Variants in AMZ1 observed in about 807,000 individuals in gnomAD.
AMZ1 encodes archaelysin family metallopeptidase 1.
AMZ1 carries 39 observed loss-of-function variants against 29.9 expected under a neutral mutation model. The ratio of observed to expected loss-of-function variants is 1.30; its 90% CI spans 1.01 to 1.70. AMZ1 has a LOEUF of 1.70. Ranked by LOEUF, AMZ1 falls within the 40% of genes most tolerant of loss-of-function variation. The probability of loss-of-function intolerance (pLI) is 0.00; values close to 1 mark genes in which losing one functional copy is unlikely to be tolerated. For missense variants in AMZ1, 1,041 were observed against 680.6 expected, an observed-to-expected ratio of 1.53 and a Z score of -5.89; for synonymous variants, 458 against 304.0, an observed-to-expected ratio of 1.51 and a Z score of -5.27.
chr7:2,737,279 TTTTTTTTTTG>T (rs1490872362), intron 4 of AMZ1, among the ~76,000 whole-genome samples: 2,016 of 72,592 alleles, frequency 0.028, 115 homozygotes, highest in African/African-American at 0.058. Flanking sequence ...GTTTTGTTTT[TTTTTTTTTTG>T]TTTTTTTTTT....
intron 4 of AMZ1, among the ~76,000 whole-genome samples, chr7:2,732,343 T>C (rs546711489): frequency 5.2e-4 from 79 of 152,186 alleles, no homozygotes; most frequent in African/African-American, 1.8e-3. Context: ...GCCCAGAAGT[T>C]CAAGAACAGC....
chr7:2,761,331 G>A (rs1791544392), upstream of AMZ1, among the ~76,000 whole-genome samples: 3 of 152,328 alleles, frequency 2.0e-5, no homozygotes, highest in South Asian at 6.2e-4. Flanking sequence ...TGCTGGCTAT[G>A]CCTAGAGGCA....
Position 2,731,304 on chromosome 7 carries a change from G to T in AMZ1, n.550+21488G>T. ...AGTGGTGGAAGAGTGGCTTGCTGCGGTTCCGTCTCTTCCTGTCGAAGCACT... is the reference window on the plus strand; with the variant it reads ...AGTGGTGGAAGAGTGGCTTGCTGCGTTTCCGTCTCTTCCTGTCGAAGCACT... On this transcript the variant is annotated intron_variant and non_coding_transcript_variant, in intron 4 of 4. Coordinates refer to the AMZ1 transcript ENST00000489665. The surrounding 1 kb of genome is among the most constrained non-coding windows in gnomAD (Gnocchi z 6.0). 1 of 1,613,902 alleles carries T rather than the reference G, an allele frequency of 6.2e-7. No homozygotes were observed.
intron 4 of AMZ1, among the ~76,000 whole-genome samples, chr7:2,743,643 A>T (rs918359684): frequency 6.6e-6 from 1 of 152,126 alleles, no homozygotes; most frequent in East Asian, 1.9e-4. Flanking sequence ...TGCATTTCCA[A>T]CTGAGGTACC....
downstream of AMZ1, among the ~76,000 whole-genome samples, chr7:2,722,735 G>C (rs545528983): frequency 5.9e-5 from 9 of 152,338 alleles, no homozygotes; most frequent in African/African-American, 1.4e-4. Context: ...ACTTCAGGAA[G>C]GCTGAGGTGG....
chr7:2,694,459 A>G (rs1307687466), intron 1 of AMZ1, among the ~76,000 whole-genome samples: 1 of 151,870 alleles, frequency 6.6e-6, no homozygotes, highest in Non-Finnish European at 1.5e-5. Flanking sequence ...CTCATAATAA[A>G]TCCTTATTTT....
At position 2,696,332 on chromosome 7, in the gene AMZ1, C is replaced by T. The variant is rs549269715; in HGVS notation, c.-218-3902C>T. On this transcript the variant is annotated intron_variant, in intron 1 of 6. Coordinates refer to ENST00000683327, the MANE Select transcript of AMZ1 (RefSeq NM_001384743.1). ...AGTGCAGTGGTGCGATCTTGGCTCA[C>T]TGCAAGCTCCGCCTCCCAGGTTCAC... Among the ~76,000 whole-genome samples the T allele has an allele frequency of 2.4e-4, 36 of 148,954 alleles. 1 individual carries two copies. In the South Asian group the frequency reaches 6.3e-3, roughly 26 times the overall value.
At chr7:2,681,149 C>A (rs1786868990) in intron 1 of AMZ1, among the ~76,000 whole-genome samples, 1 of 152,248 alleles carries the variant, frequency 6.6e-6, no homozygotes, top group Non-Finnish European at 1.5e-5. Flanking sequence ...GAGCTCGGTG[C>A]CACTCAGGCC....
downstream of AMZ1, among the ~76,000 whole-genome samples, chr7:2,720,480 T>A (rs1436630970): frequency 6.6e-6 from 1 of 151,894 alleles, no homozygotes; most frequent in Non-Finnish European, 1.5e-5. Context: ...CTTGGCTCAC[T>A]GCAACCTCCG....
At chr7:2,741,694 T>C (rs140917548) in intron 4 of AMZ1, among the ~76,000 whole-genome samples, 33 of 152,146 alleles carry the variant, frequency 2.2e-4, no homozygotes, top group Middle Eastern at 3.4e-3. Context: ...TCTCTTTCAA[T>C]ACACAGACTT....
At chr7:2,698,038 T>G (rs566051793) in intron 1 of AMZ1, among the ~76,000 whole-genome samples, 101 of 152,370 alleles carry the variant, frequency 6.6e-4, no homozygotes, top group African/African-American at 2.3e-3. Context: ...AATTTATTTA[T>G]GTATTCACAT....
intron 3 of AMZ1, among the ~76,000 whole-genome samples, chr7:2,705,105 T>C (rs571057765): frequency 6.6e-6 from 1 of 152,380 alleles, no homozygotes; most frequent in South Asian, 2.1e-4. Flanking sequence ...CGCATCTTAT[T>C]GGAAAAATTA....
rs774428694 is a variant in AMZ1, at chr7:2,712,413, G to A, written c.1032G>A (p.Pro344=). 9.2e-5 allele frequency: 149 copies of A among 1,611,080 alleles called. No individual in the cohort carries two copies. Among genetic ancestry groups the A allele is most frequent in the African/African-American group, 1.7e-4 (13 of 74,902 alleles). ...AGEPSVWEDT[P]PASADSGMCC... is the part of the protein sequence containing the mutation. ...AGCCGTCAGTGTGGGAGGACACCCC[G>A]CCTGCCAGCGCCGACTCGGGCATGT... is the stretch of plus-strand genomic sequence containing the variant. Residue 344 remains proline (P), a synonymous_variant, in exon 7 of 7, where the codon CCG becomes CCA. Coordinates refer to ENST00000683327, the MANE Select transcript of AMZ1 (RefSeq NM_001384743.1).
chr7:2,748,133 T>G (rs968846228), intron 4 of AMZ1, among the ~76,000 whole-genome samples: 1 of 151,014 alleles, frequency 6.6e-6, no homozygotes, highest in African/African-American at 2.4e-5. Context: ...TACCAATGAC[T>G]TTCTTCACAG....
intron 3 of AMZ1, among the ~76,000 whole-genome samples, chr7:2,707,090 T>C (rs1361670038): frequency 6.6e-6 from 1 of 152,076 alleles, no homozygotes; most frequent in Non-Finnish European, 1.5e-5. Flanking sequence ...TTGACTAACA[T>C]GGTGAAATCT....
downstream of AMZ1, among the ~76,000 whole-genome samples, chr7:2,722,904 G>C (rs924374715): frequency 6.6e-6 from 1 of 152,122 alleles, no homozygotes; most frequent in Non-Finnish European, 1.5e-5. Context: ...CTTGAGCCCA[G>C]GAGTTTTGAG....
At chr7:2,722,298 A>AC (rs1239570866), downstream of AMZ1, among the ~76,000 whole-genome samples, 3 of 149,582 alleles carry the variant, frequency 2.0e-5, no homozygotes, top group Admixed American at 2.0e-4. Context: ...TTTGAGACAG[A>AC]CTCTCGCTCT....
At chr7:2,722,376 C>G (rs1313200473), downstream of AMZ1, among the ~76,000 whole-genome samples, 1 of 152,004 alleles carries the variant, frequency 6.6e-6, no homozygotes, top group Non-Finnish European at 1.5e-5. Flanking sequence ...GGGTTCATGC[C>G]ATTCTCCTGC....
At chr7:2,708,562 C>G (rs369674292) in intron 3 of AMZ1, 26 bp from the exon 4 acceptor site, 1 of 1,610,692 alleles carries the variant, frequency 6.2e-7, no homozygotes, top group East Asian at 2.2e-5. Flanking sequence ...GCCTCCTGAC[C>G]CCATCCTCTG....
Sources: gnomAD v4.1 joint callset for allele counts (sites outside exome capture counted in the v4.1 genomes callset) on GRCh38, gnomAD v4.1.1 for gene constraint, Gnocchi (gnomAD v3.1) non-coding constraint, MANE v1.5 for transcripts, NCBI Gene and HGNC (gene_info 2026-07-23, HGNC 2026-07-21) for gene names.